SCHIP1: variants seen among roughly 807,000 people sequenced by gnomAD.
SCHIP1 encodes schwannomin interacting protein 1.
Under a neutral mutation model 29.7 loss-of-function variants are expected in SCHIP1, and 8 were observed. The observed-to-expected ratio is 0.27, with a 90% CI of 0.16 to 0.49. SCHIP1 has a LOEUF of 0.49. Ranked by LOEUF, SCHIP1 falls within the 20% of genes least tolerant of loss-of-function variation. SCHIP1 has a pLI of 0.99. For missense variants in SCHIP1, 193 were observed against 294.6 expected (o/e 0.66, Z 2.52); for synonymous variants, 76 against 94.9 (o/e 0.80, Z 1.16).
At chr3:159,684,601 C>A in the SCHIP1 span, among the ~76,000 whole-genome samples, 1 of 151,740 alleles carries the variant, frequency 6.6e-6, no homozygotes, top group Non-Finnish European at 1.5e-5. Context: ...GTCAGGAGAT[C>A]GAGACCATCC....
intron 2 of SCHIP1, among the ~76,000 whole-genome samples, chr3:159,868,022 G>GATTTATATATATATATATAAATCAATT (rs1714830155): frequency 6.9e-6 from 1 of 145,596 alleles, no homozygotes; most frequent in Non-Finnish European, 1.5e-5. Context: ...ATAAATCAAT[G>GATTTATATATATATATATAAATCAATT]ATTTTTATAT....
chr3:159,395,525 G>A, the SCHIP1 span, among the ~76,000 whole-genome samples: 2 of 151,266 alleles, frequency 1.3e-5, no homozygotes, highest in Non-Finnish European at 3.0e-5. Flanking sequence ...TTGTGTCTTT[G>A]TTCTCGTTGG....
At chr3:159,855,848 G>A (rs889109982) in intron 1 of SCHIP1, among the ~76,000 whole-genome samples, 2 of 152,088 alleles carry the variant, frequency 1.3e-5, no homozygotes, top group South Asian at 2.1e-4. Context: ...ACAGCCTTCA[G>A]GGGGAAAGGT....
the SCHIP1 span, among the ~76,000 whole-genome samples, chr3:159,626,095 TAGATAG>T: frequency 1.1e-5 from 1 of 87,178 alleles, no homozygotes; most frequent in African/African-American, 1.0e-4. Flanking sequence ...CTTATATAGA[TAGATAG>T]ATAGATAGAT....
chr3:159,817,430 CA>C, the SCHIP1 span, among the ~76,000 whole-genome samples: 2 of 152,220 alleles, frequency 1.3e-5, no homozygotes, highest in South Asian at 4.2e-4. Flanking sequence ...ATCTGGTTTC[CA>C]ATGAAAGAGA....
the SCHIP1 span, among the ~76,000 whole-genome samples, chr3:159,799,332 T>C: frequency 6.6e-6 from 1 of 152,254 alleles, no homozygotes; most frequent in African/African-American, 2.4e-5. Flanking sequence ...TGCATTTGAA[T>C]CTTAACCCTG....
the SCHIP1 span, among the ~76,000 whole-genome samples, chr3:159,444,715 C>T: frequency 3.9e-5 from 6 of 152,060 alleles, no homozygotes; most frequent in African/African-American, 7.2e-5. Flanking sequence ...TGAGAGGTGG[C>T]AGGGACAACT....
At chr3:159,644,638 T>C in the SCHIP1 span, among the ~76,000 whole-genome samples, 1 of 152,154 alleles carries the variant, frequency 6.6e-6, no homozygotes, top group Admixed American at 6.6e-5. Context: ...TACTTGTTAT[T>C]CCAAAAGTAA....
At chr3:159,324,019 C>T in the SCHIP1 span, among the ~76,000 whole-genome samples, 1 of 152,102 alleles carries the variant, frequency 6.6e-6, no homozygotes, top group Admixed American at 6.6e-5. Context: ...TGTTTACCTT[C>T]CCGGATTGTT....
chr3:159,376,332 GTT>G, the SCHIP1 span, among the ~76,000 whole-genome samples: 1 of 152,214 alleles, frequency 6.6e-6, no homozygotes, highest in East Asian at 1.9e-4. Flanking sequence ...AATAAATCAT[GTT>G]TCTGGGCCAG....
At chr3:159,388,990 G>A in the SCHIP1 span, among the ~76,000 whole-genome samples, 5 of 151,984 alleles carry the variant, frequency 3.3e-5, no homozygotes, top group Admixed American at 6.6e-5. Flanking sequence ...AATGTCTTTC[G>A]TAAGACACCA....
chr3:159,732,756 T>G, the SCHIP1 span, among the ~76,000 whole-genome samples: 4 of 152,328 alleles, frequency 2.6e-5, no homozygotes, highest in Admixed American at 2.6e-4. Flanking sequence ...TTGAGCTATA[T>G]AACCTGGTGA....
At chr3:159,588,312 GGTT>G in the SCHIP1 span, among the ~76,000 whole-genome samples, 1 of 151,696 alleles carries the variant, frequency 6.6e-6, no homozygotes, top group Non-Finnish European at 1.5e-5. Flanking sequence ...TTTTGAATGA[GGTT>G]GTTTTTTTTC....
chr3:159,618,524 C>A, the SCHIP1 span, among the ~76,000 whole-genome samples: 1 of 152,192 alleles, frequency 6.6e-6, no homozygotes, highest in African/African-American at 2.4e-5. Context: ...TGAAAATCTA[C>A]GGAAGAAAAT....
chr3:159,420,487 C>G, the SCHIP1 span, among the ~76,000 whole-genome samples: 1 of 152,134 alleles, frequency 6.6e-6, no homozygotes, highest in Admixed American at 6.6e-5. Context: ...AGACAATGAC[C>G]TTAAAGTCAC....
At chr3:159,765,244 A>G in the SCHIP1 span, 2 of 1,318,038 alleles carry the variant, frequency 1.5e-6, no homozygotes, top group Non-Finnish European at 2.0e-6. Flanking sequence ...GGCCCCATTC[A>G]TTCTTCCTCG....
chr3:159,441,267 TTTATCAGG>T, the SCHIP1 span, among the ~76,000 whole-genome samples: 1 of 152,216 alleles, frequency 6.6e-6, no homozygotes, highest in Admixed American at 6.5e-5. Flanking sequence ...GTGGATTGTT[TTTATCAGG>T]TTGCCAGAGA....
At chr3:159,428,019 C>T in the SCHIP1 span, among the ~76,000 whole-genome samples, 1 of 152,154 alleles carries the variant, frequency 6.6e-6, no homozygotes, top group Non-Finnish European at 1.5e-5. Flanking sequence ...TGGATCCCTT[C>T]CTTACATCTT....
At chr3:159,897,332 G>A (rs1029315660) in exon 7 of SCHIP1, 2 of 152,586 alleles carry the variant, frequency 1.3e-5, no homozygotes, top group East Asian at 3.8e-4. Context: ...GTATAAATAT[G>A]TAAAATAAAA....
Sources: gnomAD v4.1 joint callset for allele counts (sites outside exome capture counted in the v4.1 genomes callset) on GRCh38, gnomAD v4.1.1 for gene constraint, MANE v1.5 for transcripts, NCBI Gene and HGNC (gene_info 2026-07-23, HGNC 2026-07-21) for gene names.